STPG2: variants seen among roughly 807,000 people sequenced by gnomAD.
STPG2 encodes sperm tail PG-rich repeat containing 2.
Under a neutral mutation model 54.2 loss-of-function variants are expected in STPG2, and 56 were observed. The observed-to-expected ratio is 1.03, with a 90% CI of 0.83 to 1.29. The LOEUF is 1.29. STPG2 is among the 50% of genes most tolerant of loss of function. STPG2 has a pLI of 0.00. For synonymous variants in STPG2, 200 were observed against 181.8 expected (o/e 1.10, Z -0.81); for missense variants, 596 against 544.9 (o/e 1.09, Z -0.93).
At chr4:97,742,134 T>C (rs1725262551) in intron 9 of STPG2, among the ~76,000 whole-genome samples, 1 of 151,824 alleles carries the variant, frequency 6.6e-6, no homozygotes, top group Admixed American at 6.6e-5. Flanking sequence ...AAACACCGCA[T>C]ATTCTCACTC....
At chr4:97,890,700 CAAAG>C (rs1730736141) in intron 8 of STPG2, among the ~76,000 whole-genome samples, 1 of 151,660 alleles carries the variant, frequency 6.6e-6, no homozygotes, top group Non-Finnish European at 1.5e-5. Flanking sequence ...GTTCCACAAA[CAAAG>C]AAAGGTAAAT....
chr4:97,664,362 A>C (rs1722459655), intron 10 of STPG2, among the ~76,000 whole-genome samples: 1 of 152,222 alleles, frequency 6.6e-6, no homozygotes, highest in Admixed American at 6.5e-5. Flanking sequence ...GCCTTTCACA[A>C]GGAGAATACA....
intron 5 of STPG2, among the ~76,000 whole-genome samples, chr4:98,090,542 T>C (rs11097608): frequency 0.4 from 60,043 of 151,666 alleles, 12,100 homozygotes; most frequent in Middle Eastern, 0.46. Flanking sequence ...TATGCAGGCT[T>C]TTTTTTTGTT....
chr4:97,652,186 T>A (rs1340410626), intron 10 of STPG2, among the ~76,000 whole-genome samples: 1 of 151,952 alleles, frequency 6.6e-6, no homozygotes, highest in African/African-American at 2.4e-5. Flanking sequence ...AAAATATTTC[T>A]ATTTACACAT....
At chr4:97,824,950 G>A (rs746880207) in intron 9 of STPG2, among the ~76,000 whole-genome samples, 9 of 152,246 alleles carry the variant, frequency 5.9e-5, no homozygotes, top group African/African-American at 1.7e-4. Flanking sequence ...TGAGCATATC[G>A]GAGGTTACCT....
At chr4:97,515,702 A>G (rs991840548) in intron 4 of STPG2, among the ~76,000 whole-genome samples, 1 of 152,112 alleles carries the variant, frequency 6.6e-6, no homozygotes. Context: ...AGGTACTTGT[A>G]CTACTGAGTA....
Position 97,739,976 on chromosome 4 carries a change from C to G in STPG2, c.1205-27162G>C, listed in dbSNP as rs534591969. ...GCAAAAATCCTCAATAAAATACTGG[C>G]AAACCGAATCCAGCAGCACATCAAA... On this transcript the variant is annotated intron_variant, in intron 9 of 10. Transcript: ENST00000295268. Among the ~76,000 whole-genome samples, 14 of 152,074 alleles carry G rather than the reference C, an allele frequency of 9.2e-5. No homozygotes were observed. The East Asian group carries it at 2.7e-3, about 29-fold the overall frequency.
At chr4:97,995,951 CA>C (rs1371163135) in intron 5 of STPG2, among the ~76,000 whole-genome samples, 6 of 151,772 alleles carry the variant, frequency 4.0e-5, no homozygotes, top group South Asian at 4.2e-4. Flanking sequence ...CACAAACAGA[CA>C]AAAAAAATTC....
rs759204730 is a variant in STPG2 at position 97,559,037 on chromosome 4, A to G, written c.*21T>C. 34 of 1,572,618 alleles carry G rather than the reference A, an allele frequency of 2.2e-5. 1 individual carries two copies. The highest frequency in any genetic ancestry group is 2.8e-5 in the Non-Finnish European group (32 of 1,159,784). ...CTGACTTCCATGAAGTTGTTTTTTA[A>G]GTTTTTGCCATAAATTTATGTCACA... On this transcript the variant is annotated 3_prime_UTR_variant, in exon 11 of 11. Transcript: ENST00000295268.
At chr4:97,465,660 G>A (rs760698600) in intron 4 of STPG2, among the ~76,000 whole-genome samples, 1 of 152,016 alleles carries the variant, frequency 6.6e-6, no homozygotes, top group Non-Finnish European at 1.5e-5. Context: ...GGCATCATAT[G>A]AGCATATAAC....
chr4:98,118,019 G>T (rs571774919), intron 3 of STPG2, among the ~76,000 whole-genome samples: 3 of 152,030 alleles, frequency 2.0e-5, no homozygotes, highest in South Asian at 4.2e-4. Context: ...CAGATATTTT[G>T]TATGATATAA....
chr4:97,885,182 T>G (rs897089740), intron 8 of STPG2, among the ~76,000 whole-genome samples: 1 of 152,120 alleles, frequency 6.6e-6, no homozygotes, highest in African/African-American at 2.4e-5. Flanking sequence ...GTCAGTGAAC[T>G]GGAGAAATAG....
At chr4:97,854,307 T>C (rs1259441389) in intron 8 of STPG2, among the ~76,000 whole-genome samples, 5 of 152,136 alleles carry the variant, frequency 3.3e-5, no homozygotes, top group South Asian at 2.1e-4. Context: ...TCAAATTATA[T>C]TTCTCAATTT....
intron 8 of STPG2, among the ~76,000 whole-genome samples, chr4:97,943,642 T>C (rs1733079228): frequency 6.6e-6 from 1 of 152,172 alleles, no homozygotes; most frequent in Admixed American, 6.5e-5. Flanking sequence ...AGCTTTCATA[T>C]ATGTCCTAAG....
At chr4:98,056,637 C>A (rs35327100) in intron 5 of STPG2, among the ~76,000 whole-genome samples, 58,523 of 149,846 alleles carry the variant, frequency 0.39, 11,601 homozygotes, top group Middle Eastern at 0.45. Context: ...AAAAAAAAAA[C>A]ACACACATCC....
At chr4:98,008,499 GAAGTATAAAAACTCAC>G (rs1735640875) in intron 5 of STPG2, among the ~76,000 whole-genome samples, 5 of 147,922 alleles carry the variant, frequency 3.4e-5, no homozygotes. Context: ...AAAACAAACA[GAAGTATAAAAACTCAC>G]AGGTTTTATA....
In STPG2 at chr4:97,924,843, C is replaced by T. The variant is rs62320965; in HGVS notation, c.1044+19054G>A. Reference sequence around the variant, plus strand: ...AAGTCCTGGCTAATCATCTCTGTATCATTTTTAATATATTGTCCCTCTTTT... The same window carrying T: ...AAGTCCTGGCTAATCATCTCTGTATTATTTTTAATATATTGTCCCTCTTTT... On this transcript the variant is annotated intron_variant, in intron 8 of 10. Coordinates refer to ENST00000295268, the MANE Select transcript of STPG2 (RefSeq NM_174952.3). Among the ~76,000 whole-genome samples the T allele has an allele frequency of 4.2e-3, 635 of 152,250 alleles. 3 individuals carry two copies. The highest frequency in any genetic ancestry group is 6.1e-3 in the Non-Finnish European group (418 of 67,994).
chr4:98,097,138 C>G (rs917944940), intron 5 of STPG2, among the ~76,000 whole-genome samples: 1 of 152,096 alleles, frequency 6.6e-6, no homozygotes, highest in African/African-American at 2.4e-5. Flanking sequence ...CAGTATTACC[C>G]CGATACCAAA....
At chr4:97,985,393 G>A (rs1301871826) in intron 5 of STPG2, among the ~76,000 whole-genome samples, 1 of 152,044 alleles carries the variant, frequency 6.6e-6, no homozygotes, top group Non-Finnish European at 1.5e-5. Flanking sequence ...TGCATCCAGG[G>A]GTAAGGGCCA....
Sources: allele counts gnomAD v4.1 joint callset (sites outside exome capture counted in the v4.1 genomes callset), GRCh38; gene constraint gnomAD v4.1.1; transcripts MANE v1.5; gene names NCBI Gene and HGNC (gene_info 2026-07-23, HGNC 2026-07-21).